CNTNAP5: variants seen among roughly 807,000 people sequenced by gnomAD.
CNTNAP5 encodes contactin-associated protein-like 5.
A neutral mutation model predicts 150.2 loss-of-function variants in CNTNAP5; 72 were observed. The ratio of observed to expected loss-of-function variants is 0.48; its 90% CI spans 0.40 to 0.58. CNTNAP5 has a LOEUF of 0.58. Among genes scored for constraint, CNTNAP5 ranks in the 20% least tolerant of loss-of-function variants. The pLI is 0.00. For synonymous variants in CNTNAP5, 672 were observed against 619.8 expected (o/e 1.08, Z -1.25); for missense variants, 1,636 against 1,626.2 (o/e 1.01, Z -0.10).
chr2:124,661,742 G>A (rs994670853), intron 13 of CNTNAP5, among the ~76,000 whole-genome samples: 8 of 152,078 alleles, frequency 5.3e-5, no homozygotes, highest in African/African-American at 1.9e-4. Context: ...GTTTACACCA[G>A]TATGTACACA....
chr2:124,776,469 C>T (rs1028263678), intron 17 of CNTNAP5, among the ~76,000 whole-genome samples: 10 of 152,118 alleles, frequency 6.6e-5, no homozygotes, highest in South Asian at 2.1e-4. Context: ...TCAGGTGAAG[C>T]GTGTCAAACT....
intron 10 of CNTNAP5, among the ~76,000 whole-genome samples, chr2:124,560,047 T>G (rs762106715): frequency 6.6e-6 from 1 of 152,218 alleles, no homozygotes; most frequent in Non-Finnish European, 1.5e-5. Context: ...TTAATAAAGA[T>G]GTAGTTTCTA....
At chr2:124,176,885 C>A (rs1159306727) in intron 1 of CNTNAP5, among the ~76,000 whole-genome samples, 1 of 134,164 alleles carries the variant, frequency 7.5e-6, no homozygotes, top group Admixed American at 7.8e-5. Context: ...TCTCTTGTTG[C>A]CCAGGGCGGA....
chr2:124,721,500 A>AATACATAAATAC (rs1553435285), intron 13 of CNTNAP5, among the ~76,000 whole-genome samples: 1 of 148,076 alleles, frequency 6.8e-6, no homozygotes, highest in South Asian at 2.1e-4. Context: ...TAAATAAATA[A>AATACATAAATAC]ATAAATAAAT....
At chr2:124,609,732 T>G in intron 11 of CNTNAP5, 69 bp from the exon 12 acceptor site, 3 of 1,545,962 alleles carry the variant, frequency 1.9e-6, no homozygotes, top group African/African-American at 1.4e-5. Flanking sequence ...TAAGTAGGAG[T>G]TACTGATTCC....
intron 11 of CNTNAP5, among the ~76,000 whole-genome samples, chr2:124,565,574 C>CTTTTTTTTTTTT (rs776732335): frequency 1.5e-5 from 1 of 68,440 alleles, no homozygotes; most frequent in African/African-American, 6.1e-5. Flanking sequence ...TACCTAGATC[C>CTTTTTTTTTTTT]TTTTTTTTTT....
At chr2:124,845,543 T>C (rs1317541790) in intron 19 of CNTNAP5, among the ~76,000 whole-genome samples, 1 of 151,934 alleles carries the variant, frequency 6.6e-6, no homozygotes, top group Non-Finnish European at 1.5e-5. Context: ...TCTTTTGGAA[T>C]AGTGTCTATA....
chr2:124,727,783 G>A (rs763456259), intron 13 of CNTNAP5, among the ~76,000 whole-genome samples: 1 of 151,756 alleles, frequency 6.6e-6, no homozygotes, highest in Non-Finnish European at 1.5e-5. Flanking sequence ...TTCCATTTTG[G>A]ATGTTTTTAT....
At chr2:124,765,030 A>G (rs1292442449) in intron 16 of CNTNAP5, among the ~76,000 whole-genome samples, 1 of 152,066 alleles carries the variant, frequency 6.6e-6, no homozygotes, top group Non-Finnish European at 1.5e-5. Flanking sequence ...TTTATCTTAT[A>G]TTGAGAAAAT....
At chr2:124,115,950 C>A (rs1683419756) in intron 1 of CNTNAP5, among the ~76,000 whole-genome samples, 1 of 152,030 alleles carries the variant, frequency 6.6e-6, no homozygotes, top group Admixed American at 6.6e-5. Context: ...TTTTAAGAGT[C>A]CTGAGACCAA....
At chr2:124,305,830 C>G (rs533359530) in intron 3 of CNTNAP5, among the ~76,000 whole-genome samples, 3 of 152,142 alleles carry the variant, frequency 2.0e-5, no homozygotes, top group African/African-American at 7.2e-5. Context: ...ATATAAATTT[C>G]TTTTAAAAAA....
intron 21 of CNTNAP5, among the ~76,000 whole-genome samples, chr2:124,881,734 G>C (rs909902978): frequency 6.6e-6 from 1 of 152,050 alleles, no homozygotes; most frequent in South Asian, 2.1e-4. Context: ...TGCCTGACTT[G>C]TATTTCTTAT....
At chr2:124,400,464 C>T (rs981811334) in intron 3 of CNTNAP5, among the ~76,000 whole-genome samples, 2 of 151,996 alleles carry the variant, frequency 1.3e-5, no homozygotes, top group African/African-American at 4.8e-5. Flanking sequence ...CTATTTTTCT[C>T]TTTGCCCCAA....
At chr2:124,727,491 T>G (rs1053837439) in intron 13 of CNTNAP5, among the ~76,000 whole-genome samples, 5 of 152,052 alleles carry the variant, frequency 3.3e-5, no homozygotes, top group Non-Finnish European at 7.4e-5. Context: ...CACCATTTCG[T>G]TTATCAATGT....
At chr2:124,510,315 ATATATC>A in intron 8 of CNTNAP5, among the ~76,000 whole-genome samples, 1 of 104,602 alleles carries the variant, frequency 9.6e-6, no homozygotes, top group Admixed American at 1.2e-4. Context: ...ATATATATCT[ATATATC>A]TATCTATATA....
At position 124,558,816 on chromosome 2, in the gene CNTNAP5, G is replaced by C. The variant is rs148173711; in HGVS notation, c.1650-4401G>C. Among the ~76,000 whole-genome samples, 375 of 152,190 alleles carry C rather than the reference G, an allele frequency of 2.5e-3. 2 individuals are homozygous for C. The highest frequency in any genetic ancestry group is 7.9e-3 in the African/African-American group (327 of 41,538). ...GAAGGAAAGCTGTGGGGGTCCTTTT[G>C]TTCTTCTTAAGGCTGACCTAGAGAG... On this transcript the variant is annotated intron_variant, in intron 10 of 23. Transcript: ENST00000682447.
chr2:124,243,891 C>T (rs906958605), intron 3 of CNTNAP5, among the ~76,000 whole-genome samples: 3 of 152,030 alleles, frequency 2.0e-5, no homozygotes, highest in African/African-American at 7.2e-5. Context: ...TAAATTATTA[C>T]AGGTTTTCAT....
At chr2:124,427,658 T>C (rs1193475732) in intron 4 of CNTNAP5, among the ~76,000 whole-genome samples, 1 of 152,092 alleles carries the variant, frequency 6.6e-6, no homozygotes, top group African/African-American at 2.4e-5. Flanking sequence ...GGTTTCACAA[T>C]GCTGGTCAGG....
rs142593398 is a variant in CNTNAP5, at chr2:124,300,368, T to A, written c.381+57975T>A. Among the ~76,000 whole-genome samples, 607 of 152,300 alleles carry A rather than the reference T, an allele frequency of 4.0e-3. 7 individuals are homozygous for A. The highest frequency in any genetic ancestry group is 0.024 in the Middle Eastern group (7 of 294). ...AATAAGTCTGATAAACTATAACAAGTGCAGAGTCACCTCACTGAGTCTATA... is the reference window on the plus strand; with the variant it reads ...AATAAGTCTGATAAACTATAACAAGAGCAGAGTCACCTCACTGAGTCTATA... On this transcript the variant is annotated intron_variant, in intron 3 of 23. Coordinates refer to ENST00000682447, the MANE Select transcript of CNTNAP5 (RefSeq NM_001367498.1).
Sources: gnomAD v4.1 joint callset for allele counts (sites outside exome capture counted in the v4.1 genomes callset) on GRCh38, gnomAD v4.1.1 for gene constraint, MANE v1.5 for transcripts, NCBI Gene and HGNC (gene_info 2026-07-23, HGNC 2026-07-21) for gene names.